Variants in MAGI1 observed in about 807,000 individuals in gnomAD.
MAGI1 encodes membrane-associated guanylate kinase, WW and PDZ domain-containing protein 1.
A neutral mutation model predicts 139.9 loss-of-function variants in MAGI1; 58 were observed. That is an observed-to-expected ratio of 0.41 (90% CI 0.34 to 0.52). MAGI1 has a LOEUF of 0.52. MAGI1 is among the 20% of genes least tolerant of loss of function. MAGI1 has a pLI of 0.12. For synonymous variants in MAGI1, 812 were observed against 737.9 expected, an observed-to-expected ratio of 1.10 and a Z score of -1.63; for missense variants, 1,874 against 1,901.6, an observed-to-expected ratio of 0.99 and a Z score of 0.27.
chr3:66,019,710 C>T (rs1291763293), intron 1 of MAGI1, among the ~76,000 whole-genome samples: 4 of 152,174 alleles, frequency 2.6e-5, no homozygotes, highest in East Asian at 1.9e-4. Context: ...TTTAACTCAT[C>T]GGGTCAAGTT....
At chr3:65,516,579 A>G (rs562528348) in intron 2 of MAGI1, among the ~76,000 whole-genome samples, 17 of 152,292 alleles carry the variant, frequency 1.1e-4, no homozygotes, top group Admixed American at 7.2e-4. Flanking sequence ...AGAGTTATAA[A>G]GCACTTACTA....
chr3:65,811,955 T>TGAGA (rs1229427653), intron 1 of MAGI1, among the ~76,000 whole-genome samples: 3 of 149,194 alleles, frequency 2.0e-5, no homozygotes, highest in East Asian at 3.9e-4. Flanking sequence ...TGTGTGTGTG[T>TGAGA]GTGTGAGAGA....
chr3:65,722,726 A>G lies in MAGI1; in HGVS notation c.314-100638T>C, dbSNP rs2033178377. ...CTAAATTTTATCTAAATCATAAAAT[A>G]TTAGTGTGACATGAAAGCCTCAAGA... On this transcript the variant is annotated intron_variant, in intron 1 of 22. Coordinates refer to ENST00000402939, the MANE Select transcript of MAGI1 (RefSeq NM_001033057.2). Among the ~76,000 whole-genome samples the G allele has an allele frequency of 2.0e-5, 3 of 150,164 alleles. No homozygotes were observed. In the South Asian group the frequency reaches 6.2e-4, roughly 31 times the overall value.
At chr3:66,030,180 AAT>A (rs2068516911) in intron 1 of MAGI1, among the ~76,000 whole-genome samples, 1 of 152,190 alleles carries the variant, frequency 6.6e-6, no homozygotes, top group Non-Finnish European at 1.5e-5. Flanking sequence ...TGACTTTAAG[AAT>A]ATTCCTGGAT....
chr3:65,558,321 T>C (rs562278774), intron 2 of MAGI1, among the ~76,000 whole-genome samples: 1 of 152,126 alleles, frequency 6.6e-6, no homozygotes, highest in East Asian at 1.9e-4. Context: ...TGGTTGCAAG[T>C]GGAAAGAATT....
At chr3:65,503,851 G>A (rs1253139340) in intron 2 of MAGI1, among the ~76,000 whole-genome samples, 1 of 152,150 alleles carries the variant, frequency 6.6e-6, no homozygotes, top group Admixed American at 6.5e-5. Context: ...AGGAAAAGAA[G>A]AAGTTTTGAG....
At chr3:65,572,666 G>C (rs1175694248) in intron 2 of MAGI1, among the ~76,000 whole-genome samples, 1 of 152,068 alleles carries the variant, frequency 6.6e-6, no homozygotes, top group Admixed American at 6.6e-5. Context: ...AGTGGTAGTA[G>C]AAATTACCAT....
chr3:65,716,751 G>GACCC (rs1253939353), intron 1 of MAGI1, among the ~76,000 whole-genome samples: 2 of 152,162 alleles, frequency 1.3e-5, no homozygotes, highest in East Asian at 3.9e-4. Context: ...ACACATGGAG[G>GACCC]ACCCATCACT....
intron 1 of MAGI1, among the ~76,000 whole-genome samples, chr3:65,729,008 G>A (rs2033907521): frequency 6.6e-6 from 1 of 150,598 alleles, no homozygotes; most frequent in African/African-American, 2.4e-5. Context: ...ATTTTGATCT[G>A]ATTAAATCAA....
At chr3:65,537,111 C>A (rs142643205) in intron 2 of MAGI1, among the ~76,000 whole-genome samples, 488 of 152,284 alleles carry the variant, frequency 3.2e-3, no homozygotes, top group Non-Finnish European at 4.9e-3. Flanking sequence ...TCCCAACCTA[C>A]GCTGTCTAAC....
chr3:65,588,220 T>C (rs1433655906), intron 2 of MAGI1, among the ~76,000 whole-genome samples: 4 of 152,158 alleles, frequency 2.6e-5, no homozygotes, highest in Admixed American at 1.3e-4. Flanking sequence ...AGAATATAGA[T>C]AGCCTTCCAA....
chr3:65,770,538 G>A (rs927845931), intron 1 of MAGI1, among the ~76,000 whole-genome samples: 2 of 152,144 alleles, frequency 1.3e-5, no homozygotes, highest in African/African-American at 4.8e-5. Context: ...AATGATACCT[G>A]TGTGCCTCAA....
At chr3:65,592,758 A>G (rs1417652492) in intron 2 of MAGI1, among the ~76,000 whole-genome samples, 1 of 152,172 alleles carries the variant, frequency 6.6e-6, no homozygotes, top group Non-Finnish European at 1.5e-5. Context: ...GCATTTTTCC[A>G]TTGTGCTTGA....
intron 1 of MAGI1, among the ~76,000 whole-genome samples, chr3:65,748,864 G>T (rs1302665677): frequency 6.6e-6 from 1 of 152,134 alleles, no homozygotes; most frequent in African/African-American, 2.4e-5. Context: ...ACTTAAGACT[G>T]GTGAAATGAC....
chr3:65,605,235 T>C (rs1289912524), intron 2 of MAGI1, among the ~76,000 whole-genome samples: 2 of 152,232 alleles, frequency 1.3e-5, no homozygotes, highest in East Asian at 3.8e-4. Context: ...ACAATGAACC[T>C]GTGCTGGTAT....
At chr3:65,764,430 G>A (rs187270950) in intron 1 of MAGI1, among the ~76,000 whole-genome samples, 1 of 152,270 alleles carries the variant, frequency 6.6e-6, no homozygotes, top group East Asian at 1.9e-4. Context: ...ACATTGCAAG[G>A]GTTGCTGATA....
intron 4 of MAGI1, among the ~76,000 whole-genome samples, chr3:65,473,746 G>GAAA (rs5849676): frequency 6.8e-6 from 1 of 147,418 alleles, no homozygotes; most frequent in Admixed American, 6.8e-5. Context: ...TTTCCTGGAG[G>GAAA]AAAAAAAAAA....
chr3:65,753,433 T>C (rs1026383089), intron 1 of MAGI1, among the ~76,000 whole-genome samples: 1 of 152,034 alleles, frequency 6.6e-6, no homozygotes, highest in Non-Finnish European at 1.5e-5. Flanking sequence ...GTAAAGAAAC[T>C]AAGAGTTAAA....
At chr3:65,403,833 A>G (rs1265930219) in intron 12 of MAGI1, among the ~76,000 whole-genome samples, 1 of 152,244 alleles carries the variant, frequency 6.6e-6, no homozygotes, top group Non-Finnish European at 1.5e-5. Context: ...TCAAAGGTGC[A>G]TTCACAACGA....
Sources: gnomAD v4.1 joint callset for allele counts (sites outside exome capture counted in the v4.1 genomes callset) on GRCh38, gnomAD v4.1.1 for gene constraint, MANE v1.5 for transcripts, NCBI Gene and HGNC (gene_info 2026-07-23, HGNC 2026-07-21) for gene names.